The following GLG1 variants were observed in gnomAD, a reference collection of about 807,000 sequenced individuals.
GLG1 encodes Golgi apparatus protein 1.
In GLG1, 38 loss-of-function variants were observed where a neutral mutation model predicts 160.5. The ratio of observed to expected loss-of-function variants is 0.24; its 90% CI spans 0.18 to 0.31. The LOEUF (loss-of-function observed/expected upper bound fraction) is 0.31, where lower values mean the gene tolerates loss of function less well. Ranked by LOEUF, GLG1 falls within the 10% of genes least tolerant of loss-of-function variation. The pLI is 1.00. For missense variants in GLG1, 1,373 were observed against 1,505.2 expected (o/e 0.91, Z 1.45); for synonymous variants, 644 against 543.4 (o/e 1.19, Z -2.57).
chr16:74,599,099 A>C (rs1003652058), intron 1 of GLG1, among the ~76,000 whole-genome samples: 1 of 152,176 alleles, frequency 6.6e-6, no homozygotes, highest in Non-Finnish European at 1.5e-5. Flanking sequence ...ATTCTCATCA[A>C]GAGATTTCTT....
intron 1 of GLG1, among the ~76,000 whole-genome samples, chr16:74,536,907 C>T (rs2017702347): frequency 6.6e-6 from 1 of 152,164 alleles, no homozygotes; most frequent in Non-Finnish European, 1.5e-5. Context: ...CCTGTGGAGG[C>T]ATCAAATTAG....
At chr16:74,459,268 G>A (rs951256652) in intron 23 of GLG1, among the ~76,000 whole-genome samples, 5 of 152,298 alleles carry the variant, frequency 3.3e-5, no homozygotes, top group Non-Finnish European at 7.4e-5. Context: ...CACGAGGTCA[G>A]GAGATCAAGA....
intron 6 of GLG1, among the ~76,000 whole-genome samples, chr16:74,494,390 G>T (rs971495428): frequency 7.2e-6 from 1 of 139,412 alleles, no homozygotes; most frequent in Non-Finnish European, 1.5e-5. Context: ...TTGTTTCAGA[G>T]AAATTGAGAA....
intron 1 of GLG1, among the ~76,000 whole-genome samples, chr16:74,598,720 T>C (rs1167799107): frequency 2.6e-5 from 4 of 151,078 alleles, no homozygotes; most frequent in Admixed American, 2.0e-4. Context: ...TGGTGAAACC[T>C]CGTCTCTACA....
At chr16:74,456,784 AC>A in intron 24 of GLG1, 29 bp from the exon 25 acceptor site, 1 of 1,292,284 alleles carries the variant, frequency 7.7e-7, no homozygotes, top group South Asian at 1.2e-5. Context: ...AATAAGAAGA[AC>A]CTGAAACTGT....
chr16:74,528,821 A>C (rs936730587), intron 2 of GLG1, among the ~76,000 whole-genome samples: 10 of 150,180 alleles, frequency 6.7e-5, no homozygotes, highest in African/African-American at 2.4e-4. Flanking sequence ...CAAAAAAAAA[A>C]AAAAAAAAAA....
At chr16:74,520,658 C>A (rs1219853306) in intron 2 of GLG1, among the ~76,000 whole-genome samples, 3 of 152,082 alleles carry the variant, frequency 2.0e-5, no homozygotes, top group Non-Finnish European at 4.4e-5. Flanking sequence ...ACAACAACAA[C>A]AAATATGCAT....
intron 1 of GLG1, among the ~76,000 whole-genome samples, chr16:74,535,611 T>G (rs545170226): frequency 1.3e-5 from 2 of 152,264 alleles, no homozygotes; most frequent in South Asian, 4.1e-4. Context: ...TTTTTAAAAT[T>G]TTATTGTACA....
rs1367536942 is a variant in GLG1 at position 74,449,999 on chromosome 16, A to C, written c.*3168T>G. 6.6e-6 allele frequency: 1 copy of C among 152,336 alleles called. No homozygotes were observed. Among genetic ancestry groups the C allele is most frequent in the Non-Finnish European group, 1.5e-5 (1 of 68,136 alleles). The allele number at this position is 152,336 out of a possible 1,614,324, so 9.4% of individuals were successfully genotyped here. A position where few individuals can be genotyped will look rare whatever the true frequency, so the allele number is the denominator to read the frequency against. On this transcript the variant is annotated 3_prime_UTR_variant, in exon 26 of 26. Transcript: ENST00000422840. ...TAGTTTGCCCAGACAGCTCACCTTCAGTACCCCAGAGCCTCCAGCCTGGCA... is the reference window on the plus strand; with the variant it reads ...TAGTTTGCCCAGACAGCTCACCTTCCGTACCCCAGAGCCTCCAGCCTGGCA...
intron 12 of GLG1, among the ~76,000 whole-genome samples, chr16:74,475,458 G>C (rs1053279846): frequency 6.6e-6 from 1 of 152,210 alleles, no homozygotes. Context: ...CTGCAAGTCA[G>C]ATCTGGGATT....
intron 19 of GLG1, among the ~76,000 whole-genome samples, chr16:74,464,865 CAG>C (rs1439781399): frequency 2.0e-5 from 3 of 151,828 alleles, no homozygotes; most frequent in Non-Finnish European, 2.9e-5. Flanking sequence ...TTTTTTGAGA[CAG>C]AGTCTTACTC....
chr16:74,526,389 G>C (rs1035947180), intron 2 of GLG1, among the ~76,000 whole-genome samples: 2 of 145,848 alleles, frequency 1.4e-5, no homozygotes, highest in Admixed American at 1.4e-4. Flanking sequence ...GATGTGGAAA[G>C]ATTCATGACA....
At chr16:74,543,250 T>G (rs2549044) in intron 1 of GLG1, among the ~76,000 whole-genome samples, 43 of 143,768 alleles carry the variant, frequency 3.0e-4, no homozygotes, top group African/African-American at 1.0e-3. Flanking sequence ...TTCTGAAAGA[T>G]GCGTAGCTCA....
intron 2 of GLG1, among the ~76,000 whole-genome samples, chr16:74,519,273 G>T (rs1474782699): frequency 6.8e-6 from 1 of 147,584 alleles, no homozygotes; most frequent in South Asian, 2.3e-4. Context: ...CTCATACGTG[G>T]TAGTTGAACA....
intron 4 of GLG1, among the ~76,000 whole-genome samples, chr16:74,498,612 C>T (rs2016298004): frequency 6.7e-6 from 1 of 149,004 alleles, no homozygotes; most frequent in Admixed American, 6.7e-5. Context: ...TGCCTGTAAT[C>T]CCAGCACTTT....
intron 1 of GLG1, among the ~76,000 whole-genome samples, chr16:74,600,992 A>G (rs1246826747): frequency 1.3e-5 from 2 of 152,192 alleles, no homozygotes; most frequent in East Asian, 1.9e-4. Flanking sequence ...TGATAGGTGT[A>G]TAATAGAAGA....
intron 9 of GLG1, 86 bp from the exon 10 acceptor site, chr16:74,483,210 C>A (rs534811384): frequency 4.3e-5 from 34 of 789,472 alleles, no homozygotes; most frequent in Non-Finnish European, 6.4e-5. Flanking sequence ...CTGTAGAAGG[C>A]GGCTTTTAGT....
intron 20 of GLG1, chr16:74,463,095 T>C: frequency 2.0e-6 from 1 of 499,858 alleles, no homozygotes; most frequent in South Asian, 3.3e-5. Context: ...TCTAGATTTT[T>C]CTTTCCAAGG....
At chr16:74,466,495 C>A (rs1222724229) in intron 18 of GLG1, among the ~76,000 whole-genome samples, 1 of 152,176 alleles carries the variant, frequency 6.6e-6, no homozygotes, top group African/African-American at 2.4e-5. Flanking sequence ...AGCCATGAGA[C>A]TTCCGGGAAA....
Sources: allele counts gnomAD v4.1 joint callset (sites outside exome capture counted in the v4.1 genomes callset), GRCh38; gene constraint gnomAD v4.1.1; transcripts MANE v1.5; gene names NCBI Gene and HGNC (gene_info 2026-07-23, HGNC 2026-07-21).